Variants in RNFT2 observed in about 807,000 individuals in gnomAD.
RNFT2 encodes ring finger protein, transmembrane 2.
RNFT2 carries 36 observed loss-of-function variants against 53.0 expected under a neutral mutation model. The ratio of observed to expected loss-of-function variants is 0.68; its 90% confidence interval spans 0.52 to 0.90. RNFT2 has a LOEUF of 0.90. Ranked by LOEUF, RNFT2 falls within the 40% of genes least tolerant of loss-of-function variation. RNFT2 has a pLI of 0.00. For synonymous variants in RNFT2, 260 were observed against 253.2 expected (o/e 1.03, Z -0.26); for missense variants, 514 against 585.6 (o/e 0.88, Z 1.26).
intron 4 of RNFT2, among the ~76,000 whole-genome samples, chr12:116,753,546 C>T (rs1205926167): frequency 6.6e-6 from 1 of 152,222 alleles, no homozygotes. Context: ...GCATCATTCA[C>T]TAACTGCTAG....
chr12:116,846,186 G>A (rs1211284241), intron 10 of RNFT2, among the ~76,000 whole-genome samples: 1 of 152,130 alleles, frequency 6.6e-6, no homozygotes, highest in African/African-American at 2.4e-5. Flanking sequence ...AAACACATAA[G>A]ATAATAATCA....
At position 116,800,267 on chromosome 12, in the gene RNFT2, C is replaced by T. The variant is rs140589156; in HGVS notation, c.882+20919C>T. Among the ~76,000 whole-genome samples, 880 of 151,988 alleles carry T rather than the reference C, an allele frequency of 5.8e-3. 6 individuals carry two copies. The highest frequency in any genetic ancestry group is 0.01 in the Middle Eastern group (3 of 292). On this transcript the variant is annotated intron_variant, in intron 7 of 10. Transcript: ENST00000257575. Reference sequence around the variant, plus strand: ...ATCCCTGCACATTGGGAGGCCAGGGCGGGCAGATCATTTGAGGTCAGGAGT... The same window carrying T: ...ATCCCTGCACATTGGGAGGCCAGGGTGGGCAGATCATTTGAGGTCAGGAGT...
At chr12:116,835,166 T>G (rs1876895791) in intron 8 of RNFT2, among the ~76,000 whole-genome samples, 1 of 152,130 alleles carries the variant, frequency 6.6e-6, no homozygotes. Context: ...ATTCCCATTT[T>G]ACAGGTTAAG....
At chr12:116,773,125 C>G (rs1295032241) in intron 6 of RNFT2, among the ~76,000 whole-genome samples, 3 of 152,138 alleles carry the variant, frequency 2.0e-5, no homozygotes, top group Non-Finnish European at 4.4e-5. Flanking sequence ...CCACGCCCGG[C>G]CAATTTTTCA....
chr12:116,754,903 C>T (rs1418991490), intron 5 of RNFT2, among the ~76,000 whole-genome samples: 3 of 152,120 alleles, frequency 2.0e-5, no homozygotes, highest in African/African-American at 7.2e-5. Context: ...GTCAGATGTA[C>T]AGATTGTGAA....
intron 3 of RNFT2, among the ~76,000 whole-genome samples, chr12:116,744,997 G>A (rs1871827709): frequency 6.6e-6 from 1 of 151,998 alleles, no homozygotes; most frequent in Non-Finnish European, 1.5e-5. Context: ...AAAAGCTCAA[G>A]GCCCCTTGAG....
intron 7 of RNFT2, among the ~76,000 whole-genome samples, chr12:116,832,144 A>ATATAT (rs1414365866): frequency 0.018 from 925 of 51,966 alleles, 3 homozygotes; most frequent in Non-Finnish European, 0.025. Flanking sequence ...AAAAAAAAAA[A>ATATAT]AAAAATATAT....
intron 7 of RNFT2, among the ~76,000 whole-genome samples, chr12:116,818,953 A>G (rs887272589): frequency 5.9e-5 from 9 of 152,240 alleles, no homozygotes; most frequent in Non-Finnish European, 1.2e-4. Flanking sequence ...GGTAAGGAGA[A>G]GAAAAAGGCT....
In RNFT2 at chr12:116,851,615, C is replaced by T. The variant is rs537628668; in HGVS notation, c.*2167C>T. The T allele has an allele frequency of 4.1e-5, 25 of 604,512 alleles. No individual in the cohort carries two copies. In the African/African-American group the frequency reaches 4.5e-4, roughly 11 times the overall value. The allele number at this position is 604,512 out of a possible 1,614,324, so 37.4% of individuals were successfully genotyped here. A position where few individuals can be genotyped will look rare whatever the true frequency, so the allele number is the denominator to read the frequency against. On this transcript the variant is annotated 3_prime_UTR_variant, in exon 11 of 11. Transcript: ENST00000257575. ...ATTAGCCGGGCGCGGTGGCGGGTGC[C>T]TGTAATCCCAGCTACTCAGGAGGCT...
At chr12:116,779,724 CCAG>C (rs1873603978) in intron 7 of RNFT2, among the ~76,000 whole-genome samples, 1 of 152,164 alleles carries the variant, frequency 6.6e-6, no homozygotes, top group Admixed American at 6.5e-5. Flanking sequence ...TTCGTGGCTT[CCAG>C]GAGTTCATTT....
At chr12:116,745,583 C>T (rs1395652478) in intron 3 of RNFT2, among the ~76,000 whole-genome samples, 1 of 152,094 alleles carries the variant, frequency 6.6e-6, no homozygotes, top group East Asian at 1.9e-4. Context: ...TAGTAACATA[C>T]CTGCAGGCCC....
intron 7 of RNFT2, among the ~76,000 whole-genome samples, chr12:116,807,095 A>G (rs766281347): frequency 7.9e-5 from 12 of 152,176 alleles, no homozygotes; most frequent in Non-Finnish European, 1.3e-4. Context: ...CTGGGTGCCA[A>G]TGGCCCTAAG....
chr12:116,827,234 A>G (rs1876389959), intron 7 of RNFT2, among the ~76,000 whole-genome samples: 1 of 136,476 alleles, frequency 7.3e-6, no homozygotes, highest in South Asian at 2.2e-4. Flanking sequence ...AAAAAAAAAA[A>G]GAAAGAAAGA....
intron 7 of RNFT2, among the ~76,000 whole-genome samples, chr12:116,815,509 C>A (rs976697747): frequency 1.3e-5 from 2 of 152,028 alleles, no homozygotes; most frequent in Non-Finnish European, 2.9e-5. Flanking sequence ...GCCTCTGGTC[C>A]CCTTCTCTAT....
chr12:116,800,853 TAAAATAAAAA>T (rs1874753444), intron 7 of RNFT2, among the ~76,000 whole-genome samples: 4 of 148,510 alleles, frequency 2.7e-5, no homozygotes, highest in African/African-American at 5.2e-5. Flanking sequence ...TAAAATAAAA[TAAAATAAAAA>T]CCATTTAACA....
chr12:116,771,460 TAAAAA>T (rs35911608), intron 6 of RNFT2, among the ~76,000 whole-genome samples: 115 of 64,078 alleles, frequency 1.8e-3, no homozygotes, highest in African/African-American at 5.4e-3. Flanking sequence ...ATCCTATCGT[TAAAAA>T]AAAAAAAAAA....
Position 116,740,340 on chromosome 12 carries a change from TC to T in RNFT2, c.-153-3del, listed in dbSNP as rs1404113865. ...CTGTTCATCCAGGTGTTCTGTTCCA[TC>T]CAGGTTTGGAGTCTCTGGCAAGCTC... On this transcript the variant is annotated splice_region_variant and splice_polypyrimidine_tract_variant and intron_variant, in intron 1 of 10. Coordinates refer to ENST00000257575, the MANE Select transcript of RNFT2 (RefSeq NM_001382266.1). The T allele has an allele frequency of 9.1e-6, 6 of 659,440 alleles. No homozygotes were observed. Among genetic ancestry groups the T allele is most frequent in the African/African-American group, 9.0e-5 (5 of 55,794 alleles). 40.8% of individuals were successfully genotyped at this position (659,440 alleles called of 1,614,324 possible).
In RNFT2 at chr12:116,852,056, C is replaced by A; in HGVS notation, c.*2608C>A. ...TGTGATCTCTATGACAGAGCCACTTCTCCACCTCTGAAATGTTCCCTGCTC... is the reference window on the plus strand; with the variant it reads ...TGTGATCTCTATGACAGAGCCACTTATCCACCTCTGAAATGTTCCCTGCTC... On this transcript the variant is annotated 3_prime_UTR_variant, in exon 11 of 11. Coordinates refer to ENST00000257575, the MANE Select transcript of RNFT2 (RefSeq NM_001382266.1). 8.7e-7 allele frequency: 1 copy of A among 1,151,618 alleles called. No homozygotes were observed. Among genetic ancestry groups the A allele is most frequent in the Non-Finnish European group, 1.2e-6 (1 of 842,844 alleles). The allele number at this position is 1,151,618 out of a possible 1,614,324, so 71.3% of individuals were successfully genotyped here. A position where few individuals can be genotyped will look rare whatever the true frequency, so the allele number is the denominator to read the frequency against.
chr12:116,815,876 C>A (rs1015039841), intron 7 of RNFT2, among the ~76,000 whole-genome samples: 2 of 152,114 alleles, frequency 1.3e-5, no homozygotes, highest in African/African-American at 4.8e-5. Context: ...GACAGATCCA[C>A]ACTTGAGGAC....
Sources: allele counts gnomAD v4.1 joint callset (sites outside exome capture counted in the v4.1 genomes callset), GRCh38; gene constraint gnomAD v4.1.1; transcripts MANE v1.5; gene names NCBI Gene and HGNC (gene_info 2026-07-23, HGNC 2026-07-21).